Variants in TPRG1 observed in about 807,000 individuals in gnomAD.
The protein encoded by TPRG1 is tumor protein p63 regulated 1, also known as tumor protein p63-regulated gene 1 protein.
A neutral mutation model predicts 29.3 loss-of-function variants in TPRG1; 29 were observed. The ratio of observed to expected loss-of-function variants is 0.99; its 90% CI spans 0.74 to 1.35. The LOEUF (loss-of-function observed/expected upper bound fraction) is 1.35. Among genes scored for constraint, TPRG1 ranks in the 40% most tolerant of loss-of-function variants. The pLI, the probability that TPRG1 is intolerant of heterozygous loss-of-function variation, is 0.00. For synonymous variants in TPRG1, 130 were observed against 116.8 expected, an observed-to-expected ratio of 1.11 and a Z score of -0.73; for missense variants, 327 against 335.0, an observed-to-expected ratio of 0.98 and a Z score of 0.19.
intron 1 of TPRG1, among the ~76,000 whole-genome samples, chr3:189,116,168 G>A (rs555221811): frequency 4.6e-5 from 7 of 152,110 alleles, no homozygotes; most frequent in South Asian, 4.2e-4. Context: ...ACAAGGTCTC[G>A]AAGATATTAT....
At position 189,225,815 on chromosome 3, in the gene TPRG1, C is replaced by T. The variant is rs139284609; in HGVS notation, c.302+10432C>T. 4.6e-5 allele frequency among the ~76,000 whole-genome samples: 7 copies of T among 152,238 alleles called. No homozygotes were observed. The East Asian group carries it at 9.7e-4, about 21-fold the overall frequency. ...GGTCTGTTCAGTAGACAGAACTTTACAGTCCAAGAGTTGCTGTGGTTTCTG... is the reference window on the plus strand; with the variant it reads ...GGTCTGTTCAGTAGACAGAACTTTATAGTCCAAGAGTTGCTGTGGTTTCTG... On this transcript the variant is annotated intron_variant, in intron 3 of 5. Coordinates refer to ENST00000345063, the MANE Select transcript of TPRG1 (RefSeq NM_198485.4).
chr3:189,305,423 A>G (rs1165273628), intron 4 of TPRG1, among the ~76,000 whole-genome samples: 5 of 152,234 alleles, frequency 3.3e-5, no homozygotes, highest in Non-Finnish European at 5.9e-5. Context: ...TCCAACCTGT[A>G]GCTGCTTTTT....
rs532943098 is a variant in TPRG1, at chr3:189,185,397, G to T, written c.-10+13266G>T. Among the ~76,000 whole-genome samples the T allele has an allele frequency of 2.0e-5, 3 of 151,998 alleles. No homozygotes were observed. In the East Asian group the frequency reaches 5.8e-4, roughly 30 times the overall value. On this transcript the variant is annotated intron_variant, in intron 1 of 5. Transcript: ENST00000345063. ...TGCCACTCCAGCTGGGTATATTTTT[G>T]AAATTTTTTGTAGAGATGGTGTTTT...
chr3:189,232,773 C>A (rs775177175), intron 3 of TPRG1, among the ~76,000 whole-genome samples: 13 of 152,048 alleles, frequency 8.5e-5, no homozygotes, highest in Admixed American at 4.6e-4. Context: ...CTATTTTAAG[C>A]AAATTGGAAA....
chr3:189,037,551 G>A (rs1714350827), intron 4 of TPRG1, among the ~76,000 whole-genome samples: 1 of 151,742 alleles, frequency 6.6e-6, no homozygotes, highest in Non-Finnish European at 1.5e-5. Flanking sequence ...GAAACTTAAG[G>A]TATATTTAAT....
At chr3:189,096,769 G>A (rs1718706200), upstream of TPRG1, among the ~76,000 whole-genome samples, 2 of 152,194 alleles carry the variant, frequency 1.3e-5, no homozygotes, top group Non-Finnish European at 2.9e-5. Context: ...GAAGACATAA[G>A]TATATTCAAT....
At chr3:189,139,482 T>C (rs539752820) in intron 3 of TPRG1, among the ~76,000 whole-genome samples, 28 of 152,332 alleles carry the variant, frequency 1.8e-4, no homozygotes, top group Non-Finnish European at 3.7e-4. Flanking sequence ...AAACAGTGCG[T>C]GCCGCATCTG....
At position 189,207,378 on chromosome 3, in the gene TPRG1, T is replaced by G. The variant is rs1367291898; in HGVS notation, c.-7T>G. Reference sequence around the variant, plus strand: ...AGATTTTTCTGCCCTTGGTTTAGGCTGAAGAAATGTCAACAATTGGGAGTT... The same window carrying G: ...AGATTTTTCTGCCCTTGGTTTAGGCGGAAGAAATGTCAACAATTGGGAGTT... On this transcript the variant is annotated splice_region_variant and 5_prime_UTR_variant, in exon 2 of 6. Transcript: ENST00000345063. 1 of 1,613,980 alleles carries G rather than the reference T, an allele frequency of 6.2e-7. No homozygotes were observed.
intron 3 of TPRG1, among the ~76,000 whole-genome samples, chr3:189,231,639 C>G (rs1164046395): frequency 6.6e-6 from 1 of 152,078 alleles, no homozygotes; most frequent in African/African-American, 2.4e-5. Flanking sequence ...GACGTGAAAA[C>G]CAAATCTTAG....
intron 2 of TPRG1, among the ~76,000 whole-genome samples, chr3:189,131,752 G>T (rs752764414): frequency 1.3e-5 from 2 of 152,122 alleles, no homozygotes; most frequent in Non-Finnish European, 2.9e-5. Flanking sequence ...GTGAGACATT[G>T]AACTTATAGC....
chr3:189,155,159 G>A (rs1310327380), intron 5 of TPRG1, among the ~76,000 whole-genome samples: 1 of 152,176 alleles, frequency 6.6e-6, no homozygotes, highest in Non-Finnish European at 1.5e-5. Context: ...GGAGGTGGCT[G>A]GGCCTGGATC....
chr3:189,040,185 TG>T (rs1282456213), intron 4 of TPRG1, among the ~76,000 whole-genome samples: 1 of 152,206 alleles, frequency 6.6e-6, no homozygotes, highest in Non-Finnish European at 1.5e-5. Flanking sequence ...TTCTCTTGAA[TG>T]GCCTCATTGT....
chr3:189,204,965 A>G (rs879850017), intron 1 of TPRG1, among the ~76,000 whole-genome samples: 22 of 151,642 alleles, frequency 1.5e-4, no homozygotes, highest in Non-Finnish European at 2.9e-4. Flanking sequence ...ACACACACAC[A>G]CACACACACA....
intron 3 of TPRG1, among the ~76,000 whole-genome samples, chr3:189,023,514 A>G (rs1446337342): frequency 6.6e-6 from 1 of 152,156 alleles, no homozygotes; most frequent in Non-Finnish European, 1.5e-5. Context: ...TAGCCATCTC[A>G]GCCTCAGCCC....
Position 189,238,862 on chromosome 3 carries a change from T to C in TPRG1, c.432T>C (p.Tyr144=), listed in dbSNP as rs1050145394. The change falls in exon 4 of 6, where the codon TAT becomes TAC. Residue 144 remains tyrosine (Y), a synonymous_variant. Coordinates refer to ENST00000345063, the MANE Select transcript of TPRG1 (RefSeq NM_198485.4). The part of the protein sequence containing the change: ...QLQRIPLSAV[Y]RICLGKFTFP... ...AGCGGATTCCTCTGAGCGCTGTCTA[T>C]CGCATCTGCCTGGGCAAGTTCACCT... 3 of 1,613,530 alleles carry C rather than the reference T, an allele frequency of 1.9e-6. No homozygotes were observed. In the Admixed American group the frequency reaches 5.0e-5, roughly 27 times the overall value.
Position 189,324,658 on chromosome 3 carries a change from G to A in TPRG1, c.*3838G>A, listed in dbSNP as rs1332482826. On this transcript the variant is annotated 3_prime_UTR_variant, in exon 6 of 6. Coordinates refer to ENST00000345063, the MANE Select transcript of TPRG1 (RefSeq NM_198485.4). ...GCTGGCATTTTGTGGGGCAGGAGAGGGGGAGGGCAAAGGTATTAAATTTAG... is the reference window on the plus strand; with the variant it reads ...GCTGGCATTTTGTGGGGCAGGAGAGAGGGAGGGCAAAGGTATTAAATTTAG... 1 of 152,160 alleles carries A rather than the reference G, an allele frequency of 6.6e-6. No individual in the cohort carries two copies. The allele number at this position is 152,160 out of a possible 1,614,324, so 9.4% of individuals were successfully genotyped here.
chr3:189,184,382 A>G (rs1730636812), intron 1 of TPRG1, among the ~76,000 whole-genome samples: 1 of 152,214 alleles, frequency 6.6e-6, no homozygotes, highest in African/African-American at 2.4e-5. Context: ...TCAAGTGTAA[A>G]AGGCAGTTTA....
At chr3:189,024,826 G>C (rs1713571149) in intron 4 of TPRG1, among the ~76,000 whole-genome samples, 1 of 152,228 alleles carries the variant, frequency 6.6e-6, no homozygotes, top group African/African-American at 2.4e-5. Flanking sequence ...TAAAGCATCT[G>C]TGCTGTGTTT....
At chr3:189,039,131 T>C (rs1211901871) in intron 4 of TPRG1, among the ~76,000 whole-genome samples, 2 of 152,254 alleles carry the variant, frequency 1.3e-5, no homozygotes, top group East Asian at 3.8e-4. Flanking sequence ...ACATGTGACA[T>C]ATACAAGGAT....
Sources: allele counts gnomAD v4.1 joint callset (sites outside exome capture counted in the v4.1 genomes callset), GRCh38; gene constraint gnomAD v4.1.1; transcripts MANE v1.5; gene names NCBI Gene and HGNC (gene_info 2026-07-23, HGNC 2026-07-21).